SIDT2: variants seen among roughly 807,000 people sequenced by gnomAD.
SIDT2 encodes the protein SID1 transmembrane family, member 2.
In SIDT2, 68 loss-of-function variants were observed where a neutral mutation model predicts 114.4. The observed-to-expected ratio is 0.59, with a 90% confidence interval of 0.49 to 0.73. The LOEUF (loss-of-function observed/expected upper bound fraction) is 0.73. Ranked by LOEUF, SIDT2 falls within the 30% of genes least tolerant of loss-of-function variation. The pLI is 0.00. For synonymous variants in SIDT2, 470 were observed against 438.4 expected, an observed-to-expected ratio of 1.07 and a Z score of -0.90; for missense variants, 918 against 1,097.1, an observed-to-expected ratio of 0.84 and a Z score of 2.31.
At position 117,192,212 on chromosome 11, in the gene SIDT2, C is replaced by A. The variant is rs1279834506; in HGVS notation, c.1873-42C>A. 1 of 1,469,540 alleles carries A rather than the reference C, an allele frequency of 6.8e-7. No individual in the cohort carries two copies. 91.0% of individuals were successfully genotyped at this position (1,469,540 alleles called of 1,614,324 possible). A position where few individuals can be genotyped will look rare whatever the true frequency, so the allele number is the denominator to read the frequency against. On this transcript the variant is annotated intron_variant, in intron 19 of 25. Coordinates refer to ENST00000324225, the MANE Select transcript of SIDT2 (RefSeq NM_001040455.2). This position sits in a 1 kb window ranked among gnomAD's most constrained non-coding sequence, Gnocchi z 5.9. ...GAAGGGTGGGCCATCCGAGCCACTT[C>A]CCTCTCCACCCTCACCGCTGCCCTT...
intron 1 of SIDT2, among the ~76,000 whole-genome samples, chr11:117,180,407 C>T (rs538099332): frequency 5.3e-5 from 8 of 151,648 alleles, no homozygotes; most frequent in Admixed American, 5.2e-4. Flanking sequence ...AAATGCTGCC[C>T]TAGGGCTTGG....
Position 117,192,763 on chromosome 11 carries a change from T to C in SIDT2, c.2059-57T>C. ...GAGTGGGGACCAGCTGGCTGGGCCT[T>C]CTTCCACCACCCTCCCTGCCCCTGC... On this transcript the variant is annotated intron_variant, in intron 21 of 25. Coordinates refer to ENST00000324225, the MANE Select transcript of SIDT2 (RefSeq NM_001040455.2). This position sits in a 1 kb window ranked among gnomAD's most constrained non-coding sequence, Gnocchi z 5.9. The C allele has an allele frequency of 6.2e-7, 1 of 1,612,830 alleles. No homozygotes were observed. Among genetic ancestry groups the C allele is most frequent in the Non-Finnish European group, 8.5e-7 (1 of 1,179,082 alleles).
In SIDT2 at chr11:117,189,339, A is replaced by G. The variant is rs756702278; in HGVS notation, c.1357A>G (p.Ile453Val). The change falls in exon 15 of 26, where the codon ATT becomes GTT. Residue 453 changes from isoleucine (I) to valine (V), a missense_variant. By Grantham distance (29) the Ile-to-Val change is conservative (BLOSUM62 3). Coordinates refer to ENST00000324225, the MANE Select transcript of SIDT2 (RefSeq NM_001040455.2). ...TGCCGCCCTCCTGCTCCGCAGGAAC[A>G]TTGCCACCATTGCTGTCTTCTATGC... ...RKKYQIYFWN[I>V]ATIAVFYALP... The G allele has an allele frequency of 2.5e-6, 4 of 1,614,016 alleles. No individual in the cohort carries two copies. The highest frequency in any genetic ancestry group is 3.3e-5 in the Admixed American group (2 of 59,998).
rs1292843083 is a variant in SIDT2 at position 117,190,547 on chromosome 11, G to A, written c.1618-76G>A. The A allele has an allele frequency of 1.3e-5, 17 of 1,273,778 alleles. No homozygotes were observed. The highest frequency in any genetic ancestry group is 1.8e-5 in the Non-Finnish European group (16 of 906,402). 78.9% of individuals were successfully genotyped at this position (1,273,778 alleles called of 1,614,324 possible). A position where few individuals can be genotyped will look rare whatever the true frequency, so the allele number is the denominator to read the frequency against. On this transcript the variant is annotated intron_variant, in intron 17 of 25. Coordinates refer to ENST00000324225, the MANE Select transcript of SIDT2 (RefSeq NM_001040455.2). The surrounding 1 kb of genome is among the most constrained non-coding windows in gnomAD (Gnocchi z 4.1). ...CCCTTTTCCTCTTCCACTCCTCTTAGGGTCCCTCTTTTGGGTCCCTTCTTC... is the reference window on the plus strand; with the variant it reads ...CCCTTTTCCTCTTCCACTCCTCTTAAGGTCCCTCTTTTGGGTCCCTTCTTC...
Position 117,182,524 on chromosome 11 carries a change from C to T in SIDT2, c.522C>T (p.Phe174=), listed in dbSNP as rs766598790. ...FNTTAAQPQY[F]KYEFPEGVDS... Reference sequence around the variant, plus strand: ...CTTCCTTCCTGCACCCTCAGTACTTCAAGTATGAGTTCCCTGAAGGCGTGG... The same window carrying T: ...CTTCCTTCCTGCACCCTCAGTACTTTAAGTATGAGTTCCCTGAAGGCGTGG... Residue 174 remains phenylalanine, a synonymous_variant, in exon 5 of 26, where the codon TTC becomes TTT. Transcript: ENST00000324225. The T allele has an allele frequency of 1.2e-6, 2 of 1,614,106 alleles. No homozygotes were observed. Among genetic ancestry groups the T allele is most frequent in the South Asian group, 2.2e-5 (2 of 91,076 alleles).
Position 117,190,296 on chromosome 11 carries a change from G to A in SIDT2, c.1617+7G>A. The A allele has an allele frequency of 6.5e-7, 1 of 1,527,210 alleles. No individual in the cohort carries two copies. The highest frequency in any genetic ancestry group is 8.8e-7 in the Non-Finnish European group (1 of 1,138,934). 94.6% of individuals were successfully genotyped at this position (1,527,210 alleles called of 1,614,324 possible). A position where few individuals can be genotyped will look rare whatever the true frequency, so the allele number is the denominator to read the frequency against. On this transcript the variant is annotated splice_region_variant and intron_variant, in intron 17 of 25. Coordinates refer to ENST00000324225, the MANE Select transcript of SIDT2 (RefSeq NM_001040455.2). This position sits in a 1 kb window ranked among gnomAD's most constrained non-coding sequence, Gnocchi z 4.1. Reference sequence around the variant, plus strand: ...CAATGACCTCTGTGCCCTGGTAAGGGAGCACCTGCCTGCCTGCCGCAGCCT... The same window carrying A: ...CAATGACCTCTGTGCCCTGGTAAGGAAGCACCTGCCTGCCTGCCGCAGCCT...
In SIDT2 at chr11:117,196,463, C is replaced by A. The variant is rs2030900825; in HGVS notation, c.*397C>A. 8.1e-6 allele frequency: 2 copies of A among 247,112 alleles called. No homozygotes were observed. Among genetic ancestry groups the A allele is most frequent in the African/African-American group, 4.5e-5 (2 of 44,596 alleles). The allele number at this position is 247,112 out of a possible 1,614,324, so 15.3% of individuals were successfully genotyped here. ...TCCCCACAATGCCCCAGCCTGGGAC[C>A]TAAGGCCTCTTTTTCCTCCCATACT... On this transcript the variant is annotated 3_prime_UTR_variant, in exon 26 of 26. Coordinates refer to ENST00000324225, the MANE Select transcript of SIDT2 (RefSeq NM_001040455.2). The surrounding 1 kb of genome is among the most constrained non-coding windows in gnomAD (Gnocchi z 4.9).
At chr11:117,184,889 C>A (rs542804470) in intron 8 of SIDT2, among the ~76,000 whole-genome samples, 28 of 152,210 alleles carry the variant, frequency 1.8e-4, no homozygotes, top group East Asian at 7.7e-4. Context: ...CCATGCCCAG[C>A]TAATTTTTGT....
intron 8 of SIDT2, among the ~76,000 whole-genome samples, chr11:117,185,680 C>A (rs1006408588): frequency 4.6e-5 from 7 of 151,862 alleles, no homozygotes; most frequent in Non-Finnish European, 8.8e-5. Flanking sequence ...GAATTCAAGA[C>A]CAGCCTGAGC....
intron 24 of SIDT2, among the ~76,000 whole-genome samples, chr11:117,194,948 G>A (rs111978001): frequency 2.0e-5 from 3 of 151,762 alleles, no homozygotes; most frequent in Non-Finnish European, 4.4e-5. Context: ...TTAGCTGGGC[G>A]TGATGGTGGG....
In SIDT2 at chr11:117,178,939, C is replaced by T. The variant is rs1003811375; in HGVS notation, c.-325C>T. 1.2e-5 allele frequency: 3 copies of T among 257,576 alleles called. No homozygotes were observed. The highest frequency in any genetic ancestry group is 1.9e-4 in the South Asian group (2 of 10,374). The allele number at this position is 257,576 out of a possible 1,614,324, so 16.0% of individuals were successfully genotyped here. A position where few individuals can be genotyped will look rare whatever the true frequency, so the allele number is the denominator to read the frequency against. On this transcript the variant is annotated 5_prime_UTR_variant, in exon 1 of 26. Transcript: ENST00000324225. ...CCGGCGTCTCCAGGCTCCCGGCAAC[C>T]AGCCGCCCTCCTTCTCACGGCCCTG...
intron 24 of SIDT2, among the ~76,000 whole-genome samples, chr11:117,194,526 C>G (rs2134261782): frequency 6.6e-6 from 1 of 152,358 alleles, no homozygotes; most frequent in Middle Eastern, 3.4e-3. Context: ...GCTCTCTTCT[C>G]TGCCTTGCAG....
intron 23 of SIDT2, among the ~76,000 whole-genome samples, chr11:117,193,543 T>G (rs765969425): frequency 1.3e-5 from 2 of 152,130 alleles, no homozygotes; most frequent in Non-Finnish European, 2.9e-5. Context: ...GGTGTGGGCC[T>G]CTCAGGATCA....
chr11:117,192,984 AAG>A lies in SIDT2; in HGVS notation c.2105+124_2105+125del. The stretch of plus-strand genomic sequence containing the variant: ...ATGTTGGGCATAAGACATGGGGGCT[AAG>A]AGAGATCTTGGCCTCTCTTCTCTCT... On this transcript the variant is annotated intron_variant, in intron 22 of 25. Coordinates refer to ENST00000324225, the MANE Select transcript of SIDT2 (RefSeq NM_001040455.2). The surrounding 1 kb of genome is among the most constrained non-coding windows in gnomAD (Gnocchi z 5.9). 7 of 1,425,584 alleles carry A rather than the reference AAG, an allele frequency of 4.9e-6. No homozygotes were observed. The highest frequency in any genetic ancestry group is 6.9e-6 in the Non-Finnish European group (7 of 1,008,904). 88.3% of individuals were successfully genotyped at this position (1,425,584 alleles called of 1,614,324 possible). A position where few individuals can be genotyped will look rare whatever the true frequency, so the allele number is the denominator to read the frequency against.
At position 117,184,071 on chromosome 11, in the gene SIDT2, C is replaced by T. The variant is rs754123353; in HGVS notation, c.803-3C>T. The T allele has an allele frequency of 6.2e-7, 1 of 1,614,142 alleles. No individual in the cohort carries two copies. Among genetic ancestry groups the T allele is most frequent in the Non-Finnish European group, 8.5e-7 (1 of 1,180,020 alleles). On this transcript the variant is annotated splice_region_variant and splice_polypyrimidine_tract_variant and intron_variant, in intron 7 of 25. Transcript: ENST00000324225. ...GTTTACCACTTTGACATTTTACTTC[C>T]AGATGAACCGGTCGATCAAGGGCAC... is the stretch of plus-strand genomic sequence containing the variant.
In SIDT2 at chr11:117,188,939, C is replaced by A; in HGVS notation, c.1278+113C>A. The A allele has an allele frequency of 1.7e-6, 2 of 1,163,034 alleles. No individual in the cohort carries two copies. The highest frequency in any genetic ancestry group is 2.6e-6 in the Non-Finnish European group (2 of 775,970). 72.0% of individuals were successfully genotyped at this position (1,163,034 alleles called of 1,614,324 possible). ...CATTTAGGGAAGCAGAAGGAAGGGGCTCAGCTGGGGCAGGGCAGATGCCGG... is the reference window on the plus strand; with the variant it reads ...CATTTAGGGAAGCAGAAGGAAGGGGATCAGCTGGGGCAGGGCAGATGCCGG... On this transcript the variant is annotated intron_variant, in intron 13 of 25. Coordinates refer to ENST00000324225, the MANE Select transcript of SIDT2 (RefSeq NM_001040455.2). This position sits in a 1 kb window ranked among gnomAD's most constrained non-coding sequence, Gnocchi z 4.0.
chr11:117,186,919 T>C, intron 10 of SIDT2: 1 of 1,492,456 alleles, frequency 6.7e-7, no homozygotes, highest in Admixed American at 2.0e-5. Context: ...ATTATTAACC[T>C]TTCCTTCTCT....
chr11:117,183,938 C>A, intron 7 of SIDT2, 60 bp downstream of exon 7: 2 of 1,516,236 alleles, frequency 1.3e-6, no homozygotes, highest in Non-Finnish European at 1.8e-6. Context: ...TTTCTGGGAG[C>A]AAGAAGAGCC....
intron 11 of SIDT2, 41 bp downstream of exon 11, chr11:117,187,490 C>T (rs368873910): frequency 2.5e-6 from 4 of 1,604,228 alleles, no homozygotes; most frequent in African/African-American, 1.3e-5. Context: ...GGGGACATGA[C>T]CTTGTCTCCT....
Sources: gnomAD v4.1 joint callset for allele counts (sites outside exome capture counted in the v4.1 genomes callset) on GRCh38, gnomAD v4.1.1 for gene constraint, Gnocchi (gnomAD v3.1) non-coding constraint, MANE v1.5 for transcripts, NCBI Gene and HGNC (gene_info 2026-07-23, HGNC 2026-07-21) for gene names.